The following ADAM9 variants were observed in gnomAD, a reference collection of about 807,000 sequenced individuals.
ADAM9 encodes the protein ADAM metallopeptidase domain 9, also known as disintegrin and metalloproteinase domain-containing protein 9.
A neutral mutation model predicts 108.1 loss-of-function variants in ADAM9; 54 were observed. The observed-to-expected ratio is 0.50, with a 90% CI of 0.40 to 0.63. The LOEUF is 0.63. Among genes scored for constraint, ADAM9 ranks in the 20% least tolerant of loss-of-function variants. The pLI is 0.00. For missense variants in ADAM9, 830 were observed against 997.7 expected (o/e 0.83, Z 2.26); for synonymous variants, 316 against 336.0 (o/e 0.94, Z 0.65).
chr8:39,035,765 T>C (rs941369118), intron 11 of ADAM9, among the ~76,000 whole-genome samples: 8 of 152,060 alleles, frequency 5.3e-5, no homozygotes, highest in African/African-American at 9.7e-5. Context: ...TGCAGTGAGC[T>C]GAGATCGTGC....
At chr8:39,027,249 A>G (rs1290367801) in intron 11 of ADAM9, among the ~76,000 whole-genome samples, 2 of 152,194 alleles carry the variant, frequency 1.3e-5, no homozygotes, top group African/African-American at 4.8e-5. Context: ...TTCTTCACAA[A>G]CCTCTTTTTG....
chr8:39,031,425 C>G (rs575525200), intron 11 of ADAM9, among the ~76,000 whole-genome samples: 81 of 152,250 alleles, frequency 5.3e-4, no homozygotes, highest in African/African-American at 1.8e-3. Flanking sequence ...TATCTGTCAC[C>G]TTTTGCTAAT....
In ADAM9 at chr8:39,096,279, T is replaced by C. The variant is rs986141377; in HGVS notation, c.2298+4933T>C. 4.7e-5 allele frequency among the ~76,000 whole-genome samples: 7 copies of C among 150,180 alleles called. 1 individual carries two copies. The East Asian group carries it at 6.0e-4, about 13-fold the overall frequency. The stretch of plus-strand genomic sequence containing the variant: ...GAAATATACAATAAATTAATCATTT[T>C]CTTTGTTTTTTTGTAGTAATATTTT... On this transcript the variant is annotated intron_variant, in intron 20 of 21. Transcript: ENST00000487273.
At chr8:39,011,020 G>C (rs1192533218) in intron 2 of ADAM9, among the ~76,000 whole-genome samples, 1 of 151,352 alleles carries the variant, frequency 6.6e-6, no homozygotes, top group Non-Finnish European at 1.5e-5. Context: ...CTGAACCCGG[G>C]AGGCAGAGGT....
Position 39,007,997 on chromosome 8 carries a change from G to A in ADAM9, c.195+14G>A. 6.4e-7 allele frequency: 1 copy of A among 1,555,546 alleles called. No individual in the cohort carries two copies. Among genetic ancestry groups the A allele is most frequent in the Non-Finnish European group, 8.9e-7 (1 of 1,129,688 alleles). ...TATTCAAAACAAGTAAGTTATAATTGTTGAGAAATAATATGTGGTTAATTT... is the reference window on the plus strand; with the variant it reads ...TATTCAAAACAAGTAAGTTATAATTATTGAGAAATAATATGTGGTTAATTT... On this transcript the variant is annotated intron_variant, in intron 2 of 21. Coordinates refer to ENST00000487273, the MANE Select transcript of ADAM9 (RefSeq NM_003816.3).
chr8:39,023,740 G>GTTTTTTTTTTTTTTTT (rs869059346), intron 9 of ADAM9, among the ~76,000 whole-genome samples: 2 of 78,900 alleles, frequency 2.5e-5, no homozygotes, highest in African/African-American at 5.3e-5. Flanking sequence ...TTTTGCGTTT[G>GTTTTTTTTTTTTTTTT]TTTTTTTTTT....
chr8:39,078,708 G>T (rs1838926854), intron 16 of ADAM9, among the ~76,000 whole-genome samples: 2 of 152,128 alleles, frequency 1.3e-5, no homozygotes, highest in Non-Finnish European at 2.9e-5. Context: ...TTGAACCTGG[G>T]AGGCACAGGT....
rs1284486040 is a variant in ADAM9, at chr8:39,090,114, T to C, written c.2136T>C (p.Cys712=). The C allele has an allele frequency of 1.9e-6, 3 of 1,613,816 alleles. No homozygotes were observed. The highest frequency in any genetic ancestry group is 1.7e-6 in the Non-Finnish European group (2 of 1,179,894). Residue 712 remains cysteine (C), a synonymous_variant, in exon 19 of 22, where the codon TGT becomes TGC. Coordinates refer to ENST00000487273, the MANE Select transcript of ADAM9 (RefSeq NM_003816.3). ...FFFLIVPLIV[C]AIFIFIKRDQ... ...TCCTAATTGTTCCCCTTATTGTCTG[T>C]GCTATTTTTATCTTCATCAAGAGGG... is the stretch of plus-strand genomic sequence containing the variant.
chr8:39,043,202 A>C (rs1270067275), intron 12 of ADAM9, among the ~76,000 whole-genome samples: 1 of 152,146 alleles, frequency 6.6e-6, no homozygotes, highest in East Asian at 1.9e-4. Flanking sequence ...GGTGGTTTCT[A>C]CATCTTGGCT....
chr8:39,092,305 A>C (rs1187780728), intron 20 of ADAM9, among the ~76,000 whole-genome samples: 1 of 151,028 alleles, frequency 6.6e-6, no homozygotes, highest in East Asian at 1.9e-4. Context: ...AAATGATTAG[A>C]AATCCTTCAT....
intron 7 of ADAM9, among the ~76,000 whole-genome samples, chr8:39,020,402 G>T (rs1375617187): frequency 1.3e-5 from 2 of 151,554 alleles, no homozygotes; most frequent in Non-Finnish European, 2.9e-5. Context: ...TTTTTTTCTT[G>T]TTTAGGAGGA....
intron 14 of ADAM9, among the ~76,000 whole-genome samples, chr8:39,056,829 C>T (rs1413836938): frequency 2.0e-5 from 3 of 152,154 alleles, no homozygotes; most frequent in Non-Finnish European, 4.4e-5. Context: ...CAGAAGGCCT[C>T]TGTTCCTCTT....
intron 15 of ADAM9, 108 bp downstream of exon 15, chr8:39,071,511 G>C (rs1289319328): frequency 1.9e-6 from 2 of 1,030,400 alleles, no homozygotes; most frequent in Non-Finnish European, 2.8e-6. Flanking sequence ...TCTGTTGCCA[G>C]GCTGGAGTGC....
intron 18 of ADAM9, among the ~76,000 whole-genome samples, chr8:39,083,414 T>C (rs1410055937): frequency 6.6e-6 from 1 of 152,236 alleles, no homozygotes; most frequent in Non-Finnish European, 1.5e-5. Context: ...TCTGCATTGC[T>C]ATTAGAATGA....
At chr8:39,043,536 G>A (rs1837518794) in intron 12 of ADAM9, among the ~76,000 whole-genome samples, 1 of 152,054 alleles carries the variant, frequency 6.6e-6, no homozygotes, top group Non-Finnish European at 1.5e-5. Flanking sequence ...GTGACATTGA[G>A]CATCTTTTCA....
intron 4 of ADAM9, chr8:39,015,127 T>G (rs1836485118): frequency 6.6e-6 from 1 of 152,520 alleles, no homozygotes; most frequent in Admixed American, 6.5e-5. Flanking sequence ...CATACTTTCT[T>G]CAGACATACA....
chr8:39,089,855 A>C, intron 18 of ADAM9, 192 bp from the exon 19 acceptor site: 1 of 610,738 alleles, frequency 1.6e-6, no homozygotes, highest in East Asian at 2.9e-5. Flanking sequence ...AAACTAATAA[A>C]AGTGGTTATT....
At chr8:39,022,994 T>G (rs544270787) in intron 8 of ADAM9, among the ~76,000 whole-genome samples, 162 bp from the exon 9 acceptor site, 2 of 152,238 alleles carry the variant, frequency 1.3e-5, no homozygotes, top group Admixed American at 6.5e-5. Flanking sequence ...ATTACAGGCG[T>G]GAGCCACTGC....
intron 11 of ADAM9, among the ~76,000 whole-genome samples, chr8:39,028,306 C>G (rs1240460488): frequency 6.6e-6 from 1 of 151,880 alleles, no homozygotes; most frequent in Non-Finnish European, 1.5e-5. Flanking sequence ...TGAACAAATA[C>G]TAGGCTCAAA....
Sources: gnomAD v4.1 joint callset for allele counts (sites outside exome capture counted in the v4.1 genomes callset) on GRCh38, gnomAD v4.1.1 for gene constraint, MANE v1.5 for transcripts, NCBI Gene and HGNC (gene_info 2026-07-23, HGNC 2026-07-21) for gene names.